ZMIZ1: variants seen among roughly 807,000 people sequenced by gnomAD.
The protein encoded by ZMIZ1 is zinc finger MIZ domain-containing protein 1.
In ZMIZ1, 17 loss-of-function variants were observed where a neutral mutation model predicts 113.9. The observed-to-expected ratio is 0.15, with a 90% CI of 0.10 to 0.22. The LOEUF is 0.22. Among genes scored for constraint, ZMIZ1 ranks in the 10% least tolerant of loss-of-function variants. ZMIZ1 has a pLI of 1.00. For synonymous variants in ZMIZ1, 607 were observed against 603.1 expected (o/e 1.01, Z -0.09); for missense variants, 1,059 against 1,477.8 (o/e 0.72, Z 4.65).
chr10:79,213,923 C>T (rs575537007), intron 6 of ZMIZ1, among the ~76,000 whole-genome samples: 9 of 152,176 alleles, frequency 5.9e-5, no homozygotes, highest in Middle Eastern at 3.2e-3. Flanking sequence ...CACCTATGTA[C>T]GTGGGAGCCA....
intron 3 of ZMIZ1, among the ~76,000 whole-genome samples, chr10:79,155,062 C>G (rs1845855493): frequency 6.6e-6 from 1 of 152,186 alleles, no homozygotes; most frequent in Non-Finnish European, 1.5e-5. Flanking sequence ...AAGTTCCTAG[C>G]CCAGTATCAC....
Position 79,312,812 on chromosome 10 carries a change from T to C in ZMIZ1, c.*63T>C. On this transcript the variant is annotated 3_prime_UTR_variant, in exon 25 of 25. Coordinates refer to ENST00000334512, the MANE Select transcript of ZMIZ1 (RefSeq NM_020338.4). ...TCCTACCCCACCTACCCAACACACT[T>C]TTCCACCTGGGAGCCTGTGCCCTCA... 6.5e-7 allele frequency: 1 copy of C among 1,531,548 alleles called. No individual in the cohort carries two copies. Among genetic ancestry groups the C allele is most frequent in the Non-Finnish European group, 9.0e-7 (1 of 1,107,886 alleles). 94.9% of individuals were successfully genotyped at this position (1,531,548 alleles called of 1,614,324 possible). A position where few individuals can be genotyped will look rare whatever the true frequency, so the allele number is the denominator to read the frequency against.
intron 8 of ZMIZ1, among the ~76,000 whole-genome samples, chr10:79,284,238 T>C (rs1329358188): frequency 6.6e-6 from 1 of 152,174 alleles, no homozygotes; most frequent in African/African-American, 2.4e-5. Context: ...CTGTCTACTG[T>C]GACTGCAGTG....
chr10:79,164,531 ACAGT>A (rs1374784247), intron 4 of ZMIZ1, among the ~76,000 whole-genome samples: 1 of 152,128 alleles, frequency 6.6e-6, no homozygotes, highest in East Asian at 1.9e-4. Context: ...ATTTGGAGTG[ACAGT>A]CAGGGTGATG....
At chr10:79,194,341 C>T (rs375976921) in intron 4 of ZMIZ1, among the ~76,000 whole-genome samples, 1 of 152,230 alleles carries the variant, frequency 6.6e-6, no homozygotes, top group African/African-American at 2.4e-5. Context: ...GCTGTGCAGA[C>T]GCCTCTCTCT....
At chr10:79,075,533 G>A (rs1022201639) in intron 1 of ZMIZ1, among the ~76,000 whole-genome samples, 1 of 149,346 alleles carries the variant, frequency 6.7e-6, no homozygotes, top group African/African-American at 2.6e-5. Context: ...CCCCAGCCCT[G>A]TGTGTGTGCA....
At chr10:79,175,638 T>G (rs371625731) in intron 4 of ZMIZ1, among the ~76,000 whole-genome samples, 37,017 of 118,030 alleles carry the variant, frequency 0.31, 5,697 homozygotes, top group East Asian at 0.54. Context: ...GTGGAGGTTT[T>G]TACAGACCCG....
intron 7 of ZMIZ1, among the ~76,000 whole-genome samples, chr10:79,224,970 C>G (rs1849143025): frequency 6.6e-6 from 1 of 152,194 alleles, no homozygotes; most frequent in African/African-American, 2.4e-5. Context: ...GTGCTGGCAG[C>G]TAGAATGTGC....
intron 1 of ZMIZ1, among the ~76,000 whole-genome samples, chr10:79,116,217 T>C (rs1844022350): frequency 6.6e-6 from 1 of 152,040 alleles, no homozygotes; most frequent in African/African-American, 2.4e-5. Flanking sequence ...CTGACCTATC[T>C]TGAGATCCCA....
At chr10:79,225,571 T>A (rs61067193) in intron 7 of ZMIZ1, among the ~76,000 whole-genome samples, 56 of 147,650 alleles carry the variant, frequency 3.8e-4, no homozygotes, top group South Asian at 3.1e-3. Context: ...TACAAAAAAA[T>A]TTTTTTAATT....
intron 7 of ZMIZ1, among the ~76,000 whole-genome samples, chr10:79,275,832 G>A (rs750819643): frequency 3.9e-5 from 6 of 152,046 alleles, no homozygotes; most frequent in Non-Finnish European, 5.9e-5. Context: ...CTGGGCCCCC[G>A]TCTACTCATC....
intron 4 of ZMIZ1, among the ~76,000 whole-genome samples, chr10:79,169,146 AC>A (rs1313863420): frequency 1.3e-5 from 2 of 151,890 alleles, no homozygotes; most frequent in Non-Finnish European, 2.9e-5. Flanking sequence ...CATCTGGCCC[AC>A]CCTCAGGTTG....
At chr10:79,134,592 G>A (rs1331818498) in intron 2 of ZMIZ1, among the ~76,000 whole-genome samples, 3 of 152,188 alleles carry the variant, frequency 2.0e-5, no homozygotes, top group African/African-American at 4.8e-5. Context: ...CACCCTGACT[G>A]CACTTAGCTA....
chr10:79,306,861 A>G (rs1589613256), intron 22 of ZMIZ1, among the ~76,000 whole-genome samples: 1 of 152,162 alleles, frequency 6.6e-6, no homozygotes, highest in African/African-American at 2.4e-5. Flanking sequence ...AGGTTAGGCC[A>G]CCTAGCCGAA....
chr10:79,199,666 A>C lies in ZMIZ1; in HGVS notation c.-49-1918A>C, dbSNP rs535858925. Among the ~76,000 whole-genome samples, 13 of 152,114 alleles carry C rather than the reference A, an allele frequency of 8.5e-5. No homozygotes were observed. The South Asian group carries it at 2.7e-3, about 32-fold the overall frequency. On this transcript the variant is annotated intron_variant, in intron 4 of 24. Coordinates refer to ENST00000334512, the MANE Select transcript of ZMIZ1 (RefSeq NM_020338.4). The stretch of plus-strand genomic sequence containing the variant: ...ATAGTGTGTGTAGATATTTGCTTCT[A>C]GATGAGACTCTCCAGAAGGGGGACT...
chr10:79,127,597 G>C (rs1844575846), intron 2 of ZMIZ1, among the ~76,000 whole-genome samples: 1 of 152,182 alleles, frequency 6.6e-6, no homozygotes, highest in Non-Finnish European at 1.5e-5. Flanking sequence ...GCGTTTTCCA[G>C]AGGGGGAACT....
chr10:79,290,629 C>T (rs895882520), intron 9 of ZMIZ1: 24 of 504,022 alleles, frequency 4.8e-5, no homozygotes, highest in Admixed American at 1.9e-4. Flanking sequence ...GCTCTCCCCA[C>T]GGGTACCTGG....
At chr10:79,240,284 G>T (rs1464700262) in intron 7 of ZMIZ1, among the ~76,000 whole-genome samples, 3 of 152,382 alleles carry the variant, frequency 2.0e-5, no homozygotes, top group Non-Finnish European at 2.9e-5. Context: ...AGCTGAGGTG[G>T]AGAGCGCCTT....
intron 1 of ZMIZ1, among the ~76,000 whole-genome samples, chr10:79,101,662 G>T (rs1843367841): frequency 6.6e-6 from 1 of 152,192 alleles, no homozygotes; most frequent in Non-Finnish European, 1.5e-5. Flanking sequence ...TAGGCAACTG[G>T]CACCTGCCTC....
Sources: allele counts gnomAD v4.1 joint callset (sites outside exome capture counted in the v4.1 genomes callset), GRCh38; gene constraint gnomAD v4.1.1; transcripts MANE v1.5; gene names NCBI Gene and HGNC (gene_info 2026-07-23, HGNC 2026-07-21).